The following CDYL2 variants were observed in gnomAD, a reference collection of about 807,000 sequenced individuals.
CDYL2 encodes chromodomain Y like 2.
In CDYL2, 23 loss-of-function variants were observed where a neutral mutation model predicts 49.4. The observed-to-expected ratio is 0.47, with a 90% CI of 0.34 to 0.66. CDYL2 has a LOEUF of 0.66. Ranked by LOEUF, CDYL2 falls within the 30% of genes least tolerant of loss-of-function variation. The probability of loss-of-function intolerance (pLI) is 0.01; values close to 1 mark genes in which losing one functional copy is unlikely to be tolerated. For missense variants in CDYL2, 678 were observed against 656.4 expected (o/e 1.03, Z -0.36); for synonymous variants, 360 against 268.8 (o/e 1.34, Z -3.32).
rs1420453176 is a variant in CDYL2, at chr16:80,621,003, C to T, written c.835-68G>A. ...CTGTAAGCCTGGGGCTTTCAGACTG[C>T]AAGACAGCCAGAGGCCTGACCCCCT... On this transcript the variant is annotated intron_variant, in intron 3 of 6. Coordinates refer to ENST00000570137, the MANE Select transcript of CDYL2 (RefSeq NM_152342.4). 2.1e-6 allele frequency: 3 copies of T among 1,448,254 alleles called. No homozygotes were observed. In the Admixed American group the frequency reaches 7.3e-5, roughly 35 times the overall value. The allele number at this position is 1,448,254 out of a possible 1,614,324, so 89.7% of individuals were successfully genotyped here. A position where few individuals can be genotyped will look rare whatever the true frequency, so the allele number is the denominator to read the frequency against.
chr16:80,606,508 T>C (rs906073755), intron 6 of CDYL2, among the ~76,000 whole-genome samples: 1 of 152,142 alleles, frequency 6.6e-6, no homozygotes, highest in Admixed American at 6.5e-5. Context: ...GCCACCTGAC[T>C]GCACACTGCT....
At chr16:80,800,905 C>T (rs1468486000) in intron 1 of CDYL2, among the ~76,000 whole-genome samples, 2 of 152,244 alleles carry the variant, frequency 1.3e-5, no homozygotes, top group Non-Finnish European at 1.5e-5. Flanking sequence ...AGGTTGCAAA[C>T]TCTAAAGTCT....
At chr16:80,785,438 C>T (rs1907403199) in intron 1 of CDYL2, among the ~76,000 whole-genome samples, 1 of 152,156 alleles carries the variant, frequency 6.6e-6, no homozygotes, top group Non-Finnish European at 1.5e-5. Flanking sequence ...AAGAGAACTA[C>T]AGACCACTGC....
intron 2 of CDYL2, among the ~76,000 whole-genome samples, chr16:80,661,426 G>T (rs558709707): frequency 1.3e-5 from 2 of 152,178 alleles, no homozygotes; most frequent in Non-Finnish European, 2.9e-5. Flanking sequence ...CTCACAAGTT[G>T]CTGAGTGCCT....
intron 2 of CDYL2, among the ~76,000 whole-genome samples, chr16:80,645,008 A>G (rs1339599520): frequency 6.6e-6 from 1 of 152,214 alleles, no homozygotes; most frequent in Non-Finnish European, 1.5e-5. Flanking sequence ...TTAAAGACTT[A>G]AACGTTAGAC....
intron 2 of CDYL2, among the ~76,000 whole-genome samples, chr16:80,662,420 G>A (rs550425658): frequency 6.6e-6 from 1 of 152,210 alleles, no homozygotes; most frequent in South Asian, 2.1e-4. Flanking sequence ...GGAGCTCCAG[G>A]GATATCTCTT....
At chr16:80,721,885 C>A (rs1052769882) in intron 1 of CDYL2, among the ~76,000 whole-genome samples, 1 of 152,154 alleles carries the variant, frequency 6.6e-6, no homozygotes, top group Non-Finnish European at 1.5e-5. Flanking sequence ...ACTCACTGAA[C>A]CTGCTGGGCT....
At chr16:80,683,332 G>GA (rs1315456471) in intron 2 of CDYL2, among the ~76,000 whole-genome samples, 1 of 152,208 alleles carries the variant, frequency 6.6e-6, no homozygotes, top group East Asian at 1.9e-4. Context: ...TCTGAGAAGT[G>GA]AGGGACTGCA....
intron 2 of CDYL2, among the ~76,000 whole-genome samples, chr16:80,659,627 T>A (rs992858194): frequency 6.6e-6 from 1 of 151,674 alleles, no homozygotes; most frequent in Non-Finnish European, 1.5e-5. Flanking sequence ...TGTGTCTATA[T>A]ACATATACAT....
intron 1 of CDYL2, among the ~76,000 whole-genome samples, chr16:80,803,671 T>G (rs928531713): frequency 1.7e-5 from 1 of 57,670 alleles, no homozygotes; most frequent in African/African-American, 6.6e-5. Flanking sequence ...GCCCCCCTCC[T>G]CCCCCGCGCC....
chr16:80,712,038 T>G lies in CDYL2; in HGVS notation c.25-26909A>C, dbSNP rs112840981. The stretch of plus-strand genomic sequence containing the variant: ...GTGTGTATATATATGTGTGTATATA[T>G]ATGTGTGTATATAGATGTGTGTGTA... On this transcript the variant is annotated intron_variant, in intron 1 of 6. Transcript: ENST00000570137. Among the ~76,000 whole-genome samples the G allele has an allele frequency of 7.3e-3, 1,047 of 144,002 alleles. 19 individuals are homozygous for G. The highest frequency in any genetic ancestry group is 0.022 in the African/African-American group (904 of 40,400). 94.5% of individuals were successfully genotyped at this position (144,002 alleles called of 152,430 possible).
intron 1 of CDYL2, among the ~76,000 whole-genome samples, chr16:80,724,275 GAGAAAGGAAGAGGAA>G (rs368161764): frequency 8.6e-5 from 13 of 150,920 alleles, no homozygotes; most frequent in African/African-American, 2.9e-4. Flanking sequence ...AGAGGAGGAG[GAGAAAGGAAGAGGAA>G]AGAAAGGAGA....
chr16:80,767,329 A>C (rs958355997), intron 1 of CDYL2, among the ~76,000 whole-genome samples: 2 of 152,178 alleles, frequency 1.3e-5, no homozygotes, highest in African/African-American at 4.8e-5. Flanking sequence ...CTCTGAGCCT[A>C]TTTTACTTTG....
chr16:80,635,477 A>T (rs1907778038), intron 2 of CDYL2, among the ~76,000 whole-genome samples: 1 of 152,224 alleles, frequency 6.6e-6, no homozygotes, highest in South Asian at 2.1e-4. Flanking sequence ...CTACAAAGAG[A>T]ATAAAATACT....
At chr16:80,661,544 C>T (rs559808318) in intron 2 of CDYL2, among the ~76,000 whole-genome samples, 2 of 152,206 alleles carry the variant, frequency 1.3e-5, no homozygotes, top group African/African-American at 4.8e-5. Context: ...AAGGCCATGC[C>T]ACTGGGAAGT....
chr16:80,639,869 A>C (rs1183113868), intron 2 of CDYL2: 1 of 366,106 alleles, frequency 2.7e-6, no homozygotes, highest in African/African-American at 2.1e-5. Context: ...AGCAGAAAGC[A>C]AAAGCATACC....
intron 2 of CDYL2, among the ~76,000 whole-genome samples, chr16:80,663,417 G>A (rs1383924994): frequency 6.7e-6 from 1 of 150,180 alleles, no homozygotes; most frequent in African/African-American, 2.5e-5. Flanking sequence ...AAATTCACAG[G>A]TGCATTCAAG....
At chr16:80,691,588 A>G (rs775508569) in intron 1 of CDYL2, among the ~76,000 whole-genome samples, 4 of 152,220 alleles carry the variant, frequency 2.6e-5, no homozygotes, top group African/African-American at 7.2e-5. Flanking sequence ...GAGAGACCTC[A>G]CACAAAATTA....
chr16:80,785,857 T>C (rs992637970), intron 1 of CDYL2, among the ~76,000 whole-genome samples: 2 of 152,120 alleles, frequency 1.3e-5, no homozygotes, highest in Non-Finnish European at 2.9e-5. Flanking sequence ...ACAAAAGCAA[T>C]GGGGAAAAGA....
Sources: gnomAD v4.1 joint callset for allele counts (sites outside exome capture counted in the v4.1 genomes callset) on GRCh38, gnomAD v4.1.1 for gene constraint, MANE v1.5 for transcripts, NCBI Gene and HGNC (gene_info 2026-07-23, HGNC 2026-07-21) for gene names.